Variants in TTC39B observed in about 807,000 individuals in gnomAD.
The protein encoded by TTC39B is tetratricopeptide repeat domain 39B.
Under a neutral mutation model 96.6 loss-of-function variants are expected in TTC39B, and 92 were observed. The observed-to-expected ratio is 0.95, with a 90% CI of 0.80 to 1.13. The LOEUF is 1.13. TTC39B is among the 50% of genes most tolerant of loss of function. The pLI is 0.00. For synonymous variants in TTC39B, 367 were observed against 299.4 expected (o/e 1.23, Z -2.33); for missense variants, 955 against 809.3 (o/e 1.18, Z -2.18).
intron 7 of TTC39B, among the ~76,000 whole-genome samples, chr9:15,200,640 G>A (rs1819480270): frequency 6.6e-6 from 1 of 152,168 alleles, no homozygotes; most frequent in South Asian, 2.1e-4. Flanking sequence ...CTAATAGATG[G>A]TACTAGTGGA....
intron 3 of TTC39B, among the ~76,000 whole-genome samples, chr9:15,218,635 A>AAAAAATATATATAT (rs374054306): frequency 3.3e-5 from 5 of 149,530 alleles, no homozygotes; most frequent in South Asian, 2.1e-4. Context: ...GTCTATTTTA[A>AAAAAATATATATAT]ATATATATAT....
intron 1 of TTC39B, among the ~76,000 whole-genome samples, chr9:15,298,252 G>A (rs1159548117): frequency 6.6e-6 from 1 of 152,094 alleles, no homozygotes; most frequent in African/African-American, 2.4e-5. Context: ...AGCTTCCATG[G>A]TTTTGAGGCC....
chr9:15,288,672 C>T (rs982047817), intron 1 of TTC39B, among the ~76,000 whole-genome samples: 1 of 152,232 alleles, frequency 6.6e-6, no homozygotes, highest in African/African-American at 2.4e-5. Flanking sequence ...ACCAAGAGGA[C>T]ACTATGCTGG....
chr9:15,243,052 A>G (rs966562031), intron 2 of TTC39B, among the ~76,000 whole-genome samples: 2 of 152,182 alleles, frequency 1.3e-5, no homozygotes, highest in Non-Finnish European at 2.9e-5. Flanking sequence ...CAGCAAGGAG[A>G]GAGGCCAATG....
chr9:15,192,615 T>G, exon 9 of TTC39B: 1 of 1,614,082 alleles, frequency 6.2e-7, no homozygotes. Flanking sequence ...ACTGCCAAGC[T>G]TGACACCCCC....
intron 8 of TTC39B, among the ~76,000 whole-genome samples, chr9:15,195,741 T>C (rs1016529328): frequency 3.1e-4 from 47 of 150,206 alleles, no homozygotes; most frequent in Non-Finnish European, 2.1e-4. Context: ...TAGCAAGTTA[T>C]CCAGAATATC....
intron 18 of TTC39B, among the ~76,000 whole-genome samples, chr9:15,175,569 C>T (rs978652412): frequency 2.0e-5 from 3 of 152,124 alleles, no homozygotes; most frequent in African/African-American, 7.2e-5. Flanking sequence ...AAATGGTCAA[C>T]ACTTCTGTTT....
chr9:15,186,685 G>A (rs1818543402), intron 15 of TTC39B: 2 of 321,296 alleles, frequency 6.2e-6, no homozygotes, highest in African/African-American at 2.1e-5. Flanking sequence ...TGATGCTACA[G>A]TTAATATACA....
chr9:15,214,984 C>T (rs589817), intron 3 of TTC39B, among the ~76,000 whole-genome samples: 3 of 152,196 alleles, frequency 2.0e-5, no homozygotes, highest in East Asian at 1.9e-4. Context: ...TAAACCAGCA[C>T]GCATGTTTGG....
exon 11 of TTC39B, chr9:15,190,568 A>G: frequency 6.2e-7 from 1 of 1,613,672 alleles, no homozygotes. Context: ...TATTAGGGAG[A>G]TGTAAGTATG....
chr9:15,207,983 C>CA (rs531829809), intron 6 of TTC39B, among the ~76,000 whole-genome samples: 12,039 of 83,910 alleles, frequency 0.14, 1,218 homozygotes, highest in African/African-American at 0.24. Context: ...GACTTGGTCT[C>CA]AAAAAAAAAA....
chr9:15,290,537 G>A (rs553091994), intron 1 of TTC39B, among the ~76,000 whole-genome samples: 2 of 152,330 alleles, frequency 1.3e-5, no homozygotes, highest in Admixed American at 1.3e-4. Context: ...ATGGGACAAA[G>A]ACAAGACTAG....
intron 2 of TTC39B, among the ~76,000 whole-genome samples, chr9:15,254,033 A>G (rs920851973): frequency 1.1e-4 from 16 of 152,056 alleles, no homozygotes; most frequent in African/African-American, 2.9e-4. Flanking sequence ...GACTTCCTGG[A>G]CACTCCCATT....
chr9:15,250,550 G>C (rs1228086235), intron 2 of TTC39B, among the ~76,000 whole-genome samples: 1 of 152,086 alleles, frequency 6.6e-6, no homozygotes, highest in African/African-American at 2.4e-5. Flanking sequence ...TAAGTTTTTA[G>C]ATTAATGCAC....
At chr9:15,196,211 C>T (rs941970028) in intron 8 of TTC39B, among the ~76,000 whole-genome samples, 2 of 152,210 alleles carry the variant, frequency 1.3e-5, no homozygotes, top group South Asian at 2.1e-4. Context: ...ATATTGTTTT[C>T]ATGCCTACTA....
chr9:15,225,832 A>G (rs1038564915), intron 3 of TTC39B, 85 bp downstream of exon 3: 22 of 1,263,974 alleles, frequency 1.7e-5, no homozygotes, highest in Admixed American at 3.9e-5. Context: ...AACGCAATGC[A>G]CTATGCAAAT....
intron 3 of TTC39B, among the ~76,000 whole-genome samples, chr9:15,223,776 A>T (rs79581044): frequency 0.017 from 2,615 of 152,224 alleles, 72 homozygotes; most frequent in African/African-American, 0.06. Context: ...GAGCATCCCT[A>T]ATCTGAAAAT....
chr9:15,204,814 C>T (rs1373199544), intron 6 of TTC39B, among the ~76,000 whole-genome samples: 1 of 152,130 alleles, frequency 6.6e-6, no homozygotes, highest in Non-Finnish European at 1.5e-5. Context: ...AGCACAAGAA[C>T]AAGGTACTCA....
chr9:15,293,586 A>T (rs1587024247), intron 1 of TTC39B, among the ~76,000 whole-genome samples: 1 of 118,010 alleles, frequency 8.5e-6, no homozygotes, highest in Non-Finnish European at 1.7e-5. Flanking sequence ...GCTGGCGGTG[A>T]GACACAGGGA....
Sources: allele counts gnomAD v4.1 joint callset (sites outside exome capture counted in the v4.1 genomes callset), GRCh38; gene constraint gnomAD v4.1.1; transcripts MANE v1.5; gene names NCBI Gene and HGNC (gene_info 2026-07-23, HGNC 2026-07-21).